The following AFG2A variants were observed in gnomAD, a reference collection of about 807,000 sequenced individuals.
AFG2A encodes the protein AAA ATPase AFG2A.
chr4:123,237,966 C>A, the AFG2A span, among the ~76,000 whole-genome samples: 1 of 152,188 alleles, frequency 6.6e-6, no homozygotes, highest in Non-Finnish European at 1.5e-5. Context: ...TCGCTACACT[C>A]CTGCCCAAAT....
chr4:123,295,293 G>A, the AFG2A span, among the ~76,000 whole-genome samples: 14 of 152,202 alleles, frequency 9.2e-5, no homozygotes, highest in African/African-American at 3.4e-4. Flanking sequence ...GTGAAAAATG[G>A]GAAGGACAGA....
chr4:123,260,543 A>T, the AFG2A span, among the ~76,000 whole-genome samples: 1 of 152,214 alleles, frequency 6.6e-6, no homozygotes, highest in African/African-American at 2.4e-5. Context: ...TTTTTCTGAC[A>T]TCTCTTTTTC....
the AFG2A span, among the ~76,000 whole-genome samples, chr4:123,286,829 T>C: frequency 2.0e-5 from 3 of 150,652 alleles, no homozygotes; most frequent in South Asian, 6.3e-4. Context: ...AATAGGAGAG[T>C]AGCAAAGCAG....
chr4:123,090,689 C>A, the AFG2A span: 1 of 1,613,868 alleles, frequency 6.2e-7, no homozygotes, highest in South Asian at 1.1e-5. Flanking sequence ...ACTAACCGTC[C>A]AGATAGGATA....
the AFG2A span, chr4:123,102,375 G>C: frequency 6.7e-6 from 1 of 150,106 alleles, no homozygotes; most frequent in Non-Finnish European, 1.5e-5. Context: ...CTTGACAGTT[G>C]AAGTACACCT....
chr4:123,310,082 C>T, the AFG2A span, among the ~76,000 whole-genome samples: 3,309 of 152,250 alleles, frequency 0.022, 62 homozygotes, highest in Non-Finnish European at 0.035. Flanking sequence ...CCTTTTTATT[C>T]GCGGTAGGAG....
At chr4:122,955,354 A>C in the AFG2A span, among the ~76,000 whole-genome samples, 2 of 152,168 alleles carry the variant, frequency 1.3e-5, no homozygotes, top group Non-Finnish European at 2.9e-5. Context: ...CTGAGGATTA[A>C]TGTTGTTACG....
the AFG2A span, chr4:122,927,721 G>A: frequency 4.8e-5 from 78 of 1,612,970 alleles, no homozygotes; most frequent in Non-Finnish European, 5.8e-5. Context: ...TGTATAGGTC[G>A]ACCAGTGTTG....
chr4:123,174,424 A>G, the AFG2A span, among the ~76,000 whole-genome samples: 1 of 152,134 alleles, frequency 6.6e-6, no homozygotes, highest in Non-Finnish European at 1.5e-5. Context: ...TTAAAATTAT[A>G]ATAAGACTTT....
At chr4:123,086,456 T>A in the AFG2A span, among the ~76,000 whole-genome samples, 5 of 152,210 alleles carry the variant, frequency 3.3e-5, no homozygotes, top group African/African-American at 9.6e-5. Context: ...AAAGGTTTTT[T>A]AAAAATCTTT....
chr4:123,003,246 T>C, the AFG2A span, among the ~76,000 whole-genome samples: 3 of 152,200 alleles, frequency 2.0e-5, no homozygotes, highest in Non-Finnish European at 4.4e-5. Flanking sequence ...TGCCTTTGGT[T>C]TGAATTTCCT....
At chr4:123,016,339 G>T in the AFG2A span, among the ~76,000 whole-genome samples, 3 of 150,964 alleles carry the variant, frequency 2.0e-5, no homozygotes, top group Non-Finnish European at 3.0e-5. Context: ...GTGGCTGCCG[G>T]GTGGAGGGGC....
chr4:123,025,655 G>A, the AFG2A span, among the ~76,000 whole-genome samples: 1 of 152,130 alleles, frequency 6.6e-6, no homozygotes, highest in South Asian at 2.1e-4. Flanking sequence ...TGACATGGGT[G>A]TCGGTTTTGT....
chr4:123,133,475 A>G, the AFG2A span, among the ~76,000 whole-genome samples: 1 of 123,750 alleles, frequency 8.1e-6, no homozygotes, highest in African/African-American at 2.5e-5. Flanking sequence ...TATAGTTCCT[A>G]TCATAGGCGT....
chr4:122,947,212 AT>A, the AFG2A span: 593 of 1,500,984 alleles, frequency 4.0e-4, no homozygotes, highest in Non-Finnish European at 5.0e-4. Flanking sequence ...AAATAAATTT[AT>A]TTTCATTTTA....
the AFG2A span, among the ~76,000 whole-genome samples, chr4:123,099,468 G>T: frequency 6.6e-6 from 1 of 151,334 alleles, no homozygotes; most frequent in African/African-American, 2.4e-5. Flanking sequence ...ACTTCTTTCA[G>T]TAGTTTTTCA....
At chr4:123,177,195 T>TC in the AFG2A span, among the ~76,000 whole-genome samples, 35 of 149,638 alleles carry the variant, frequency 2.3e-4, no homozygotes, top group Admixed American at 1.5e-3. Flanking sequence ...TGATTTGATT[T>TC]TTTTTTTTTT....
At chr4:123,313,676 T>C in the AFG2A span, among the ~76,000 whole-genome samples, 2 of 152,252 alleles carry the variant, frequency 1.3e-5, no homozygotes, top group Non-Finnish European at 2.9e-5. Flanking sequence ...CTTAATACGT[T>C]GCTTTGGGAT....
the AFG2A span, among the ~76,000 whole-genome samples, chr4:122,964,187 G>A: frequency 1.3e-5 from 2 of 152,164 alleles, no homozygotes; most frequent in African/African-American, 4.8e-5. Flanking sequence ...TAATCTTGAT[G>A]TTTTACAACT....
Sources: gnomAD v4.1 joint callset for allele counts (sites outside exome capture counted in the v4.1 genomes callset) on GRCh38, gnomAD v4.1.1 for gene constraint, MANE v1.5 for transcripts, NCBI Gene and HGNC (gene_info 2026-07-23, HGNC 2026-07-21) for gene names.